CEP164: variants seen among roughly 807,000 people sequenced by gnomAD.
CEP164 encodes centrosomal protein of 164 kDa.
In CEP164, 162 loss-of-function variants were observed where a neutral mutation model predicts 182.7. That is an observed-to-expected ratio of 0.89 (90% CI 0.78 to 1.01). The LOEUF (loss-of-function observed/expected upper bound fraction) is 1.01. CEP164 is among the 50% of genes least tolerant of loss of function. The probability of loss-of-function intolerance (pLI) is 0.00; values close to 1 mark genes in which losing one functional copy is unlikely to be tolerated. For synonymous variants in CEP164, 661 were observed against 690.0 expected, an observed-to-expected ratio of 0.96 and a Z score of 0.66; for missense variants, 1,735 against 1,790.4, an observed-to-expected ratio of 0.97 and a Z score of 0.56.
intron 8 of CEP164, chr11:117,364,095 C>T (rs1352728947): frequency 6.6e-6 from 1 of 152,086 alleles, no homozygotes; most frequent in African/African-American, 2.4e-5. Context: ...AAGGAGCTTT[C>T]CCTACCATGT....
At chr11:117,402,192 C>G (rs1292047965) in intron 27 of CEP164, among the ~76,000 whole-genome samples, 1 of 151,336 alleles carries the variant, frequency 6.6e-6, no homozygotes, top group East Asian at 1.9e-4. Flanking sequence ...TCATTGGTTT[C>G]AAAGAACTTA....
rs370042790 is a variant in CEP164 at position 117,410,918 on chromosome 11, G to A, written c.4163+24G>A. The A allele has an allele frequency of 2.5e-6, 4 of 1,606,286 alleles. No homozygotes were observed. In the African/African-American group the frequency reaches 5.3e-5, roughly 21 times the overall value. ...AGGTGAGCCTCCCTGGGGGCTGGTTGGGGTGGAACGTCATAGTCGAGCTGC... is the reference window on the plus strand; with the variant it reads ...AGGTGAGCCTCCCTGGGGGCTGGTTAGGGTGGAACGTCATAGTCGAGCTGC... On this transcript the variant is annotated intron_variant, in intron 31 of 32. Coordinates refer to ENST00000278935, the MANE Select transcript of CEP164 (RefSeq NM_014956.5).
At position 117,373,836 on chromosome 11, in the gene CEP164, G is replaced by A. The variant is rs1372711280; in HGVS notation, c.1233+5G>A. 2.5e-6 allele frequency: 4 copies of A among 1,613,364 alleles called. No individual in the cohort carries two copies. Among genetic ancestry groups the A allele is most frequent in the African/African-American group, 1.3e-5 (1 of 74,908 alleles). ...CCCAAGTCCTTCCATGGCCTGGTGAGTTTGAGATGAGGGCAGTAGAGTGGT... is the reference window on the plus strand; with the variant it reads ...CCCAAGTCCTTCCATGGCCTGGTGAATTTGAGATGAGGGCAGTAGAGTGGT... On this transcript the variant is annotated splice_donor_5th_base_variant and intron_variant, in intron 10 of 32. Transcript: ENST00000278935.
In CEP164 at chr11:117,412,695, C is replaced by CT. The variant is rs1321667109; in HGVS notation, c.*529dup. 6.5e-6 allele frequency: 1 copy of CT among 154,630 alleles called. No individual in the cohort carries two copies. Among genetic ancestry groups the CT allele is most frequent in the Non-Finnish European group, 1.4e-5 (1 of 69,422 alleles). 9.6% of individuals were successfully genotyped at this position (154,630 alleles called of 1,614,324 possible). The stretch of plus-strand genomic sequence containing the variant: ...ACCCTTTCTTTTTTGTCTTTCTTCT[C>CT]TTAATTTTTAAATGCCTCTTTTCTT... On this transcript the variant is annotated 3_prime_UTR_variant, in exon 33 of 33. Transcript: ENST00000278935.
rs780941204 is a variant in CEP164, at chr11:117,382,846, A to G, written c.1628A>G (p.His543Arg). Reference sequence around the variant, plus strand: ...GCCTGTGAGAAGGGCAAGGAGCAGCATTCCCAGGCCGAGGAGCTGGGCCCT... The same window carrying G: ...GCCTGTGAGAAGGGCAAGGAGCAGCGTTCCCAGGCCGAGGAGCTGGGCCCT... ...PAACEKGKEQHSQAEELGPGQ... is the reference protein window; with the variant it reads ...PAACEKGKEQRSQAEELGPGQ... The change falls in exon 14 of 33, where the codon CAT (histidine) becomes CGT (arginine). Residue 543 changes from histidine (H) to arginine (R), a missense_variant. Transcript: ENST00000278935. 3.7e-6 allele frequency: 6 copies of G among 1,614,154 alleles called. No individual in the cohort carries two copies. Among genetic ancestry groups the G allele is most frequent in the Admixed American group, 3.3e-5 (2 of 60,024 alleles).
chr11:117,393,689 C>T (rs1226608167), intron 20 of CEP164, among the ~76,000 whole-genome samples: 1 of 152,228 alleles, frequency 6.6e-6, no homozygotes. Flanking sequence ...TGCTGTGTCA[C>T]CAGGGTTCCT....
rs542511328 is a variant in CEP164, at chr11:117,412,330, C to G, written c.*162C>G. 3.0e-5 allele frequency: 18 copies of G among 597,484 alleles called. No individual in the cohort carries two copies. Among genetic ancestry groups the G allele is most frequent in the Non-Finnish European group, 5.0e-5 (17 of 339,600 alleles). 37.0% of individuals were successfully genotyped at this position (597,484 alleles called of 1,614,324 possible). ...GGTTGAGTGGAACAGTAAAGCCACA[C>G]ATTCTGTGACTATATAACCTATCTC... On this transcript the variant is annotated 3_prime_UTR_variant, in exon 33 of 33. Transcript: ENST00000278935.
intron 10 of CEP164, 54 bp downstream of exon 10, chr11:117,373,885 C>T: frequency 1.3e-6 from 2 of 1,496,872 alleles, no homozygotes; most frequent in South Asian, 2.3e-5. Flanking sequence ...GATTTGTGAG[C>T]CTCCAGGGTT....
intron 8 of CEP164, among the ~76,000 whole-genome samples, chr11:117,365,926 C>T (rs1190996663): frequency 6.6e-6 from 1 of 152,108 alleles, no homozygotes; most frequent in African/African-American, 2.4e-5. Context: ...CTATGTGCTT[C>T]TTTGGGGGGA....
chr11:117,397,054 A>C, intron 26 of CEP164, 37 bp from the exon 27 acceptor site: 2 of 1,582,702 alleles, frequency 1.3e-6, no homozygotes. Context: ...GAGTTCTTAG[A>C]GGCTTCTGTT....
chr11:117,408,132 C>T lies in CEP164; in HGVS notation c.3609+100C>T, dbSNP rs1268864460. On this transcript the variant is annotated intron_variant, in intron 28 of 32. Transcript: ENST00000278935. ...TGGTCCTGCATCCGGGGGAGTTGGG[C>T]CTCTAGGGCCCAGGATTGGGCAGTA... 9 of 799,386 alleles carry T rather than the reference C, an allele frequency of 1.1e-5. No homozygotes were observed. In the South Asian group the frequency reaches 1.5e-4, roughly 13 times the overall value. The allele number at this position is 799,386 out of a possible 1,614,324, so 49.5% of individuals were successfully genotyped here.
At chr11:117,324,672 T>A (rs749896187), upstream of CEP164, among the ~76,000 whole-genome samples, 2 of 152,106 alleles carry the variant, frequency 1.3e-5, no homozygotes, top group Non-Finnish European at 2.9e-5. Context: ...AAGGAACCCA[T>A]GCTAAGGCAC....
rs1181151146 is a variant in CEP164, at chr11:117,371,116, G to T, written c.802G>T (p.Asp268Tyr). 1.9e-6 allele frequency: 3 copies of T among 1,609,620 alleles called. No individual in the cohort carries two copies. The highest frequency in any genetic ancestry group is 2.5e-6 in the Non-Finnish European group (3 of 1,177,302). ...AACAAGCCAGCCAGAGGAGAAGAAG[G>T]ATGTTTCTCTGGATTCAGATGCTGC... ...LRTSQPEEKK[D>Y]VSLDSDAAGP... The change falls in exon 9 of 33, where the codon GAT (aspartate) becomes TAT (tyrosine). Residue 268 changes from aspartate (D) to tyrosine (Y), a missense_variant. Coordinates refer to ENST00000278935, the MANE Select transcript of CEP164 (RefSeq NM_014956.5).
chr11:117,395,969 G>C (rs945331594), intron 24 of CEP164, 85 bp from the exon 25 acceptor site: 2 of 1,564,266 alleles, frequency 1.3e-6, no homozygotes, highest in South Asian at 1.2e-5. Flanking sequence ...TGGGAGTGAG[G>C]GGGTGGAGAT....
chr11:117,395,476 C>T (rs2045312563), intron 23 of CEP164, 71 bp from the exon 24 acceptor site: 1 of 1,500,572 alleles, frequency 6.7e-7, no homozygotes, highest in South Asian at 1.3e-5. Context: ...TCCCTACCCT[C>T]TCGTGCTGTC....
At position 117,356,673 on chromosome 11, in the gene CEP164, G is replaced by A. The variant is rs187256810; in HGVS notation, c.393+4685G>A. 3.2e-4 allele frequency: 391 copies of A among 1,217,888 alleles called. No homozygotes were observed. The African/African-American group carries it at 5.1e-3, about 16-fold the overall frequency. The allele number at this position is 1,217,888 out of a possible 1,614,324, so 75.4% of individuals were successfully genotyped here. ...CCTAAACTTGGCAGGGAGGGAGCAG[G>A]TGGAGTTGATGTCTTACCACAGCCA... is the stretch of plus-strand genomic sequence containing the variant. On this transcript the variant is annotated intron_variant, in intron 5 of 32. Coordinates refer to ENST00000278935, the MANE Select transcript of CEP164 (RefSeq NM_014956.5).
intron 11 of CEP164, 54 bp downstream of exon 11, chr11:117,375,845 T>G: frequency 1.3e-6 from 2 of 1,532,422 alleles, no homozygotes; most frequent in Non-Finnish European, 1.8e-6. Context: ...CCTCACAACT[T>G]TTTCGGATGA....
intron 4 of CEP164, among the ~76,000 whole-genome samples, chr11:117,346,496 A>G (rs1037650697): frequency 6.6e-6 from 1 of 151,484 alleles, no homozygotes; most frequent in South Asian, 2.1e-4. Context: ...TGATCTCATG[A>G]TCTGCCCGCC....
At chr11:117,395,919 A>G in intron 24 of CEP164, 135 bp from the exon 25 acceptor site, 1 of 1,300,682 alleles carries the variant, frequency 7.7e-7, no homozygotes, top group Non-Finnish European at 1.1e-6. Context: ...CTCTGGTGCT[A>G]TTGTTCGTGC....
Sources: allele counts gnomAD v4.1 joint callset (sites outside exome capture counted in the v4.1 genomes callset), GRCh38; gene constraint gnomAD v4.1.1; transcripts MANE v1.5; gene names NCBI Gene and HGNC (gene_info 2026-07-23, HGNC 2026-07-21).